Variants in PRAG1 observed in about 807,000 individuals in gnomAD.
PRAG1 encodes the protein inactive tyrosine-protein kinase PRAG1.
A neutral mutation model predicts 95.6 loss-of-function variants in PRAG1; 110 were observed. The observed-to-expected ratio is 1.15, with a 90% CI of 0.99 to 1.35. The LOEUF (loss-of-function observed/expected upper bound fraction) is 1.35, where lower values mean the gene tolerates loss of function less well. Ranked by LOEUF, PRAG1 falls within the 40% of genes most tolerant of loss-of-function variation. The probability of loss-of-function intolerance (pLI) is 0.00; values close to 1 mark genes in which losing one functional copy is unlikely to be tolerated. For missense variants in PRAG1, 2,554 were observed against 1,864.7 expected (o/e 1.37, Z -6.81); for synonymous variants, 1,052 against 819.4 (o/e 1.28, Z -4.85).
rs185631552 is a variant in PRAG1 at position 8,327,853 on chromosome 8, C to T, written c.2929G>A (p.Gly977Ser). The change falls in exon 5 of 6, where the codon GGC becomes AGC. Residue 977 changes from glycine (G) to serine (S), a missense_variant. Gly to Ser is a moderately conservative substitution (Grantham distance 56, BLOSUM62 0). Coordinates refer to ENST00000615670, the MANE Select transcript of PRAG1 (RefSeq NM_001080826.3). ...TTGAAGTGGAGCTCCTTTTTCTGGC[C>T]GCCCATGAAGAGGTCCTCACATTTG... The part of the protein sequence containing the change: ...VAKCEDLFMG[G>S]QKKELHFNEN... The T allele has an allele frequency of 4.1e-5, 66 of 1,614,208 alleles. 1 individual carries two copies. The highest frequency in any genetic ancestry group is 1.6e-4 in the East Asian group (7 of 44,888).
Position 8,331,989 on chromosome 8 carries a change from G to T in PRAG1, c.2321-3528C>A, listed in dbSNP as rs976991560. On this transcript the variant is annotated intron_variant, in intron 4 of 5. Coordinates refer to ENST00000615670, the MANE Select transcript of PRAG1 (RefSeq NM_001080826.3). The stretch of plus-strand genomic sequence containing the variant: ...TGGGGCACCAAACTCAGTACTCGCC[G>T]CATTATACACACACTCATTAGAGGC... Among the ~76,000 whole-genome samples, 8 of 152,134 alleles carry T rather than the reference G, an allele frequency of 5.3e-5. No homozygotes were observed. The East Asian group carries it at 1.5e-3, about 29-fold the overall frequency.
rs1460554359 is a variant in PRAG1 at position 8,376,482 on chromosome 8, C to A, written c.1927G>T (p.Glu643Ter). 1.9e-6 allele frequency: 3 copies of A among 1,613,592 alleles called. No individual in the cohort carries two copies. Among genetic ancestry groups the A allele is most frequent in the Non-Finnish European group, 2.5e-6 (3 of 1,179,718 alleles). Residue 643 changes from glutamate (E) to a stop codon, truncating the protein, a stop_gained, in exon 3 of 6, where the codon GAG becomes TAG. Coordinates refer to ENST00000615670, the MANE Select transcript of PRAG1 (RefSeq NM_001080826.3). LOFTEE classifies it high-confidence loss of function. ...WSRQCRIEEE[E>*]EVEQELLSHS... ...CTCAGCAATTCCTGCTCCACCTCCT[C>A]TTCTTCCTCTATCCGGCACTGACGA...
In PRAG1 at chr8:8,382,936, C is replaced by T. The variant is rs552578067; in HGVS notation, c.-87-1102G>A. 2.7e-4 allele frequency among the ~76,000 whole-genome samples: 41 copies of T among 152,312 alleles called. No individual in the cohort carries two copies. In the East Asian group the frequency reaches 3.9e-3, roughly 14 times the overall value. ...CCCTGCAGTGGTGATTTGCGCATTG[C>T]TCCTGGCTCTTCTTAGCCTATTTAA... On this transcript the variant is annotated intron_variant, in intron 1 of 5. Transcript: ENST00000615670.
intron 3 of PRAG1, among the ~76,000 whole-genome samples, chr8:8,372,685 G>A (rs1000081880): frequency 2.0e-5 from 3 of 152,320 alleles, no homozygotes; most frequent in South Asian, 2.1e-4. Flanking sequence ...TCAGGAACAC[G>A]AATGGGAGTT....
chr8:8,383,299 G>A (rs572128411), intron 1 of PRAG1, among the ~76,000 whole-genome samples: 320 of 152,262 alleles, frequency 2.1e-3, no homozygotes, highest in African/African-American at 7.4e-3. Context: ...GGCCAGGCGC[G>A]GTGGCTCACG....
rs1209161792 is a variant in PRAG1, at chr8:8,318,871, G to T, written c.3504C>A (p.Pro1168=). The change falls in exon 6 of 6, where the codon CCC becomes CCA. Residue 1168 remains proline (P), a synonymous_variant. Transcript: ENST00000615670. This position sits in a 1 kb window ranked among gnomAD's most constrained non-coding sequence, Gnocchi z 4.2. ...LQAGPGPAPA[P]APAPAPAAAA... The stretch of plus-strand genomic sequence containing the variant: ...CGGCGGCGGGGGCGGGAGCCGGGGC[G>T]GGGGCGGGGGCGGGCCCGGGGCCGG... 2.5e-6 allele frequency: 1 copy of T among 403,750 alleles called. No homozygotes were observed. Among genetic ancestry groups the T allele is most frequent in the Non-Finnish European group, 3.1e-6 (1 of 322,018 alleles). 25.0% of individuals were successfully genotyped at this position (403,750 alleles called of 1,614,324 possible).
chr8:8,352,226 G>A (rs750380363), intron 3 of PRAG1, among the ~76,000 whole-genome samples: 2 of 152,096 alleles, frequency 1.3e-5, no homozygotes, highest in Non-Finnish European at 2.9e-5. Context: ...GCCCAATAAG[G>A]AGCAGACACC....
Position 8,327,851 on chromosome 8 carries a change from G to A in PRAG1, c.2931C>T (p.Gly977=), listed in dbSNP as rs775909969. 11 of 1,614,204 alleles carry A rather than the reference G, an allele frequency of 6.8e-6. No individual in the cohort carries two copies. Among genetic ancestry groups the A allele is most frequent in the Non-Finnish European group, 7.6e-6 (9 of 1,180,030 alleles). ...CATTGAAGTGGAGCTCCTTTTTCTG[G>A]CCGCCCATGAAGAGGTCCTCACATT... is the stretch of plus-strand genomic sequence containing the variant. ...VAKCEDLFMG[G]QKKELHFNEN... Residue 977 remains glycine (G), a synonymous_variant, in exon 5 of 6, where the codon GGC becomes GGT. Coordinates refer to ENST00000615670, the MANE Select transcript of PRAG1 (RefSeq NM_001080826.3).
At chr8:8,320,874 C>A (rs1303845653) in intron 5 of PRAG1, among the ~76,000 whole-genome samples, 1 of 152,202 alleles carries the variant, frequency 6.6e-6, no homozygotes, top group South Asian at 2.1e-4. Flanking sequence ...TGAAACCTGG[C>A]ATACAAGAGC....
Position 8,376,403 on chromosome 8 carries a change from G to T in PRAG1, c.2006C>A (p.Thr669Lys), listed in dbSNP as rs376370871. The T allele has an allele frequency of 1.2e-6, 2 of 1,614,236 alleles. No individual in the cohort carries two copies. Among genetic ancestry groups the T allele is most frequent in the Non-Finnish European group, 1.7e-6 (2 of 1,180,038 alleles). Residue 669 changes from threonine (T) to lysine (K), a missense_variant, in exon 3 of 6, where the codon ACG (threonine) becomes AAG (lysine). Physicochemically the swap from Thr to Lys is moderately conservative, Grantham distance 78. Transcript: ENST00000615670. Reference sequence around the variant, plus strand: ...TGTGGGGTGGAGACGGTGCCAGGTCGTGGAGTTTGAATGGTCCGTGGGGCC... The same window carrying T: ...TGTGGGGTGGAGACGGTGCCAGGTCTTGGAGTTTGAATGGTCCGTGGGGCC... ...KNGPTDHSNS[T>K]TWHRLHPTDG...
rs1245978109 is a variant in PRAG1 at position 8,318,704 on chromosome 8, G to C, written c.3671C>G (p.Pro1224Arg). The change falls in exon 6 of 6, where the codon CCG (proline) becomes CGG (arginine). Residue 1224 changes from proline to arginine, a missense_variant. Physicochemically the swap from Pro to Arg is moderately radical, Grantham distance 103. Transcript: ENST00000615670. The surrounding 1 kb of genome is among the most constrained non-coding windows in gnomAD (Gnocchi z 4.2). ...ISNFLKAKQK[P>R]GGTPNLQQKK... The stretch of plus-strand genomic sequence containing the variant: ...CTGCTGCAGGTTTGGGGTGCCGCCC[G>C]GCTTCTGCTTGGCCTTCAAAAAGTT... 3.7e-6 allele frequency: 6 copies of C among 1,610,158 alleles called. No individual in the cohort carries two copies. Among genetic ancestry groups the C allele is most frequent in the Non-Finnish European group, 4.2e-6 (5 of 1,179,196 alleles).
rs961340338 is a variant in PRAG1, at chr8:8,339,696, C to T, written c.2163-61G>A. 5 of 1,527,362 alleles carry T rather than the reference C, an allele frequency of 3.3e-6. No homozygotes were observed. The Admixed American group carries it at 5.2e-5, about 16-fold the overall frequency. The allele number at this position is 1,527,362 out of a possible 1,614,324, so 94.6% of individuals were successfully genotyped here. On this transcript the variant is annotated intron_variant, in intron 3 of 5. Transcript: ENST00000615670. ...ATTGGATTTCCATTCAGAAACCAGGCTGATGGATCATGAACTTACCATGCT... is the reference window on the plus strand; with the variant it reads ...ATTGGATTTCCATTCAGAAACCAGGTTGATGGATCATGAACTTACCATGCT...
rs1458642170 is a variant in PRAG1, at chr8:8,381,375, G to T, written c.330+43C>A. ...AGCCAGTCACCAAGTGTTCAAACAG[G>T]AGCAGCCCCTGTAAAAATACCACGA... On this transcript the variant is annotated intron_variant, in intron 2 of 5. Coordinates refer to ENST00000615670, the MANE Select transcript of PRAG1 (RefSeq NM_001080826.3). 1.9e-6 allele frequency: 3 copies of T among 1,558,228 alleles called. No homozygotes were observed. The African/African-American group carries it at 4.1e-5, about 21-fold the overall frequency.
chr8:8,322,038 G>C (rs1196396250), intron 5 of PRAG1, among the ~76,000 whole-genome samples: 2 of 152,210 alleles, frequency 1.3e-5, no homozygotes, highest in African/African-American at 2.4e-5. Context: ...AACAGCACTA[G>C]AGCTCATCCC....
intron 2 of PRAG1, among the ~76,000 whole-genome samples, chr8:8,380,868 A>T (rs1377296360): frequency 6.6e-6 from 1 of 151,650 alleles, no homozygotes; most frequent in South Asian, 2.1e-4. Flanking sequence ...AAAAAAAAAA[A>T]AAAAAAAAAA....
chr8:8,347,811 T>A (rs964388000), intron 3 of PRAG1, among the ~76,000 whole-genome samples: 31 of 143,846 alleles, frequency 2.2e-4, no homozygotes, highest in Non-Finnish European at 3.7e-4. Flanking sequence ...AGAGATCAAT[T>A]CACATCTTTT....
chr8:8,374,164 A>G (rs1800304175), intron 3 of PRAG1, among the ~76,000 whole-genome samples: 1 of 152,226 alleles, frequency 6.6e-6, no homozygotes, highest in South Asian at 2.1e-4. Flanking sequence ...GCAGGGTGTT[A>G]TCAAAGTACT....
chr8:8,337,428 A>G (rs1799025187), intron 4 of PRAG1, among the ~76,000 whole-genome samples: 1 of 152,200 alleles, frequency 6.6e-6, no homozygotes, highest in Admixed American at 6.5e-5. Flanking sequence ...AGTTCTGTAT[A>G]TTCTCCAGAT....
chr8:8,381,771 C>T lies in PRAG1; in HGVS notation c.-24G>A. ...ATCTTGAGCCGACAGGGTGCTGGTT[C>T]ATCTTGCGCCCGGCTCTCTGGTGCA... On this transcript the variant is annotated 5_prime_UTR_variant, in exon 2 of 6. An upstream start codon of the reference 5' UTR is lost. Coordinates refer to ENST00000615670, the MANE Select transcript of PRAG1 (RefSeq NM_001080826.3). 6.5e-7 allele frequency: 1 copy of T among 1,537,594 alleles called. No individual in the cohort carries two copies. The highest frequency in any genetic ancestry group is 8.8e-7 in the Non-Finnish European group (1 of 1,138,132).
Sources: gnomAD v4.1 joint callset for allele counts (sites outside exome capture counted in the v4.1 genomes callset) on GRCh38, gnomAD v4.1.1 for gene constraint, Gnocchi (gnomAD v3.1) non-coding constraint, MANE v1.5 for transcripts, NCBI Gene and HGNC (gene_info 2026-07-23, HGNC 2026-07-21) for gene names.